TAFA5: variants seen among roughly 807,000 people sequenced by gnomAD.
The protein encoded by TAFA5 is chemokine-like protein TAFA-5.
In TAFA5, 6 loss-of-function variants were observed where a neutral mutation model predicts 15.3. The ratio of observed to expected loss-of-function variants is 0.39; its 90% CI spans 0.21 to 0.77. The LOEUF is 0.77. Ranked by LOEUF, TAFA5 falls within the 30% of genes least tolerant of loss-of-function variation. The pLI is 0.41. For missense variants in TAFA5, 161 were observed against 193.1 expected (o/e 0.83, Z 0.98); for synonymous variants, 103 against 80.7 (o/e 1.28, Z -1.48).
chr22:48,592,329 G>A (rs1331687599), intron 1 of TAFA5, among the ~76,000 whole-genome samples: 2 of 152,240 alleles, frequency 1.3e-5, no homozygotes, highest in Non-Finnish European at 2.9e-5. Context: ...CCTTGCTGGT[G>A]TGTGACCTGG....
intron 3 of TAFA5, among the ~76,000 whole-genome samples, chr22:48,736,032 A>G (rs1238448289): frequency 2.1e-5 from 1 of 47,028 alleles, no homozygotes; most frequent in African/African-American, 8.0e-5. Context: ...TGAGAATCGC[A>G]CTCCTAGGGT....
At chr22:48,620,524 T>G (rs1272267499) in intron 1 of TAFA5, among the ~76,000 whole-genome samples, 1 of 151,538 alleles carries the variant, frequency 6.6e-6, no homozygotes, top group Non-Finnish European at 1.5e-5. Context: ...CTATTTTTGT[T>G]TTTTGATGTT....
intron 1 of TAFA5, among the ~76,000 whole-genome samples, chr22:48,525,876 C>T (rs976539757): frequency 2.6e-5 from 4 of 152,192 alleles, no homozygotes; most frequent in Non-Finnish European, 5.9e-5. Flanking sequence ...ATGTGTGTGG[C>T]TCATTCCCTC....
chr22:48,693,507 G>C, intron 2 of TAFA5: 1 of 1,529,112 alleles, frequency 6.5e-7, no homozygotes, highest in Non-Finnish European at 8.8e-7. Context: ...AGGTCCCAGA[G>C]GAGACCAGCA....
chr22:48,700,636 C>T (rs967381716), intron 2 of TAFA5, among the ~76,000 whole-genome samples: 8 of 152,130 alleles, frequency 5.3e-5, no homozygotes, highest in Non-Finnish European at 7.4e-5. Flanking sequence ...TGAGTGTGCA[C>T]GTGGATGTGC....
intron 1 of TAFA5, among the ~76,000 whole-genome samples, chr22:48,638,341 A>C: frequency 1.9e-5 from 1 of 52,846 alleles, no homozygotes; most frequent in Non-Finnish European, 3.2e-5. Flanking sequence ...CCTGGGCCAC[A>C]CACAGGCAAT....
chr22:48,546,440 A>G lies in TAFA5; in HGVS notation c.112+56736A>G, dbSNP rs998966068. 5 of 469,634 alleles carry G rather than the reference A, an allele frequency of 1.1e-5. No homozygotes were observed. In the East Asian group the frequency reaches 3.5e-4, roughly 33 times the overall value. The allele number at this position is 469,634 out of a possible 1,614,324, so 29.1% of individuals were successfully genotyped here. A position where few individuals can be genotyped will look rare whatever the true frequency, so the allele number is the denominator to read the frequency against. On this transcript the variant is annotated intron_variant, in intron 1 of 3. Transcript: ENST00000402357. ...CCGAGTGACCATCGGACACTGCCCT[A>G]TCCTCTTGGAGCTTGTGGGGGAAAG...
chr22:48,556,754 T>C (rs1437706505), intron 1 of TAFA5, among the ~76,000 whole-genome samples: 1 of 152,154 alleles, frequency 6.6e-6, no homozygotes, highest in Admixed American at 6.5e-5. Context: ...GAGGCTGTTC[T>C]CAGGGACACC....
intron 1 of TAFA5, chr22:48,576,629 T>G (rs930444681): frequency 7.7e-7 from 1 of 1,306,030 alleles, no homozygotes; most frequent in Non-Finnish European, 9.9e-7. Context: ...TCGCGGCGGC[T>G]CCGGCGCCCG....
intron 1 of TAFA5, among the ~76,000 whole-genome samples, chr22:48,522,699 A>T (rs1921646795): frequency 6.6e-6 from 1 of 152,108 alleles, no homozygotes; most frequent in African/African-American, 2.4e-5. Flanking sequence ...CCTGGACATC[A>T]TCTGGGCCTG....
At chr22:48,537,369 G>A (rs1012717548) in intron 1 of TAFA5, among the ~76,000 whole-genome samples, 7 of 152,232 alleles carry the variant, frequency 4.6e-5, no homozygotes, top group Non-Finnish European at 7.3e-5. Context: ...TCAGGGTGGC[G>A]TTCCCCACTC....
chr22:48,588,846 A>C (rs1024456748), intron 1 of TAFA5, among the ~76,000 whole-genome samples: 1 of 152,090 alleles, frequency 6.6e-6, no homozygotes, highest in Non-Finnish European at 1.5e-5. Context: ...CATGGAGCCA[A>C]CCTGGCCCCC....
At chr22:48,578,733 CTG>C (rs1923915151) in intron 1 of TAFA5, among the ~76,000 whole-genome samples, 2 of 152,250 alleles carry the variant, frequency 1.3e-5, no homozygotes, top group African/African-American at 4.8e-5. Context: ...GGGTTGAGCC[CTG>C]CTGCCTGTCT....
At chr22:48,701,549 A>C (rs573472940) in intron 2 of TAFA5, among the ~76,000 whole-genome samples, 10 of 151,786 alleles carry the variant, frequency 6.6e-5, no homozygotes, top group Non-Finnish European at 1.2e-4. Flanking sequence ...GTCCCCTTTA[A>C]CTCGGTCCCT....
At chr22:48,682,419 T>C (rs571856353) in intron 2 of TAFA5, among the ~76,000 whole-genome samples, 1 of 152,330 alleles carries the variant, frequency 6.6e-6, no homozygotes, top group Non-Finnish European at 1.5e-5. Flanking sequence ...CAGAGCCCCC[T>C]GAAGTTGCTA....
At chr22:48,738,637 G>A (rs944567716) in intron 3 of TAFA5, among the ~76,000 whole-genome samples, 1 of 152,200 alleles carries the variant, frequency 6.6e-6, no homozygotes, top group Admixed American at 6.5e-5. Flanking sequence ...TATTAAGTGA[G>A]GGAGGCCATG....
chr22:48,701,793 C>G (rs539881138), intron 2 of TAFA5, among the ~76,000 whole-genome samples: 41 of 152,336 alleles, frequency 2.7e-4, no homozygotes, highest in African/African-American at 9.6e-4. Context: ...CCTGCCCTCC[C>G]CTGGCTGCCT....
intron 1 of TAFA5, among the ~76,000 whole-genome samples, chr22:48,559,272 C>A (rs574815013): frequency 2.0e-5 from 3 of 152,204 alleles, no homozygotes; most frequent in African/African-American, 4.8e-5. Flanking sequence ...GGACCCATGG[C>A]GGTCGGGGCT....
intron 1 of TAFA5, among the ~76,000 whole-genome samples, chr22:48,492,471 G>T (rs551212783): frequency 6.6e-6 from 1 of 152,128 alleles, no homozygotes; most frequent in Non-Finnish European, 1.5e-5. Context: ...TTTTCTGTTG[G>T]GGGGATTCTA....
Sources: gnomAD v4.1 joint callset for allele counts (sites outside exome capture counted in the v4.1 genomes callset) on GRCh38, gnomAD v4.1.1 for gene constraint, MANE v1.5 for transcripts, NCBI Gene and HGNC (gene_info 2026-07-23, HGNC 2026-07-21) for gene names.